HNF1B: variants seen among roughly 807,000 people sequenced by gnomAD.
The protein encoded by HNF1B is HNF1 homeobox B.
In HNF1B, 8 loss-of-function variants were observed where a neutral mutation model predicts 61.7. That is an observed-to-expected ratio of 0.13 (90% CI 0.08 to 0.23). The LOEUF (loss-of-function observed/expected upper bound fraction) is 0.23. Ranked by LOEUF, HNF1B falls within the 10% of genes least tolerant of loss-of-function variation. HNF1B has a pLI of 1.00. For missense variants in HNF1B, 562 were observed against 714.5 expected (o/e 0.79, Z 2.43); for synonymous variants, 314 against 287.7 (o/e 1.09, Z -0.93).
chr17:37,743,801 A>C (rs756896451), intron 1 of HNF1B, among the ~76,000 whole-genome samples: 1 of 152,154 alleles, frequency 6.6e-6, no homozygotes, highest in Non-Finnish European at 1.5e-5. Flanking sequence ...AGGTCTGGAA[A>C]CGCCCTCCTT....
At chr17:37,706,625 CAA>C (rs1226883209) in intron 5 of HNF1B, among the ~76,000 whole-genome samples, 2 of 141,492 alleles carry the variant, frequency 1.4e-5, no homozygotes, top group African/African-American at 5.3e-5. Flanking sequence ...CCACATCAAA[CAA>C]GAGAGAAGCA....
intron 2 of HNF1B, among the ~76,000 whole-genome samples, chr17:37,738,635 C>T (rs1474604909): frequency 6.6e-6 from 1 of 152,192 alleles, no homozygotes; most frequent in Admixed American, 6.5e-5. Context: ...GTATGTCATT[C>T]CTACTCTTGT....
At chr17:37,734,673 A>C (rs1187038957) in intron 2 of HNF1B, among the ~76,000 whole-genome samples, 2 of 152,158 alleles carry the variant, frequency 1.3e-5, no homozygotes, top group East Asian at 3.8e-4. Flanking sequence ...GCTCATCAGG[A>C]GTGATTAATT....
intron 5 of HNF1B, among the ~76,000 whole-genome samples, chr17:37,707,035 G>A (rs1205715908): frequency 6.6e-6 from 1 of 152,104 alleles, no homozygotes; most frequent in African/African-American, 2.4e-5. Context: ...AGTTTTGCTG[G>A]AGCTTAAATC....
chr17:37,744,296 G>C (rs940811486), intron 1 of HNF1B, among the ~76,000 whole-genome samples: 2 of 152,278 alleles, frequency 1.3e-5, no homozygotes, highest in East Asian at 3.8e-4. Flanking sequence ...CAGCCCCGCG[G>C]GGAAAAGCCC....
chr17:37,719,612 T>C (rs1331090418), intron 4 of HNF1B, among the ~76,000 whole-genome samples: 2 of 152,190 alleles, frequency 1.3e-5, no homozygotes, highest in South Asian at 4.1e-4. Flanking sequence ...CAGGCAGAGA[T>C]AATATGGCTG....
intron 6 of HNF1B, among the ~76,000 whole-genome samples, chr17:37,704,376 T>C (rs1472843809): frequency 2.6e-5 from 4 of 152,174 alleles, no homozygotes; most frequent in Admixed American, 2.6e-4. Context: ...CTCTGGATCC[T>C]CCCTTGGTGT....
intron 8 of HNF1B, among the ~76,000 whole-genome samples, chr17:37,689,198 G>T (rs190596444): frequency 6.7e-6 from 1 of 149,932 alleles, no homozygotes; most frequent in Admixed American, 6.6e-5. Flanking sequence ...GCGTGCATGT[G>T]AGGAGACAGG....
At chr17:37,720,617 C>T (rs1006420780) in intron 4 of HNF1B, 1 of 190,662 alleles carries the variant, frequency 5.2e-6, no homozygotes, top group African/African-American at 2.4e-5. Context: ...GGGGTTTCTG[C>T]ATATGCTTTG....
At chr17:37,737,461 A>G (rs1171432202) in intron 2 of HNF1B, among the ~76,000 whole-genome samples, 1 of 152,212 alleles carries the variant, frequency 6.6e-6, no homozygotes, top group Non-Finnish European at 1.5e-5. Context: ...TGTTTGGCAC[A>G]TAGTAGGTGC....
rs199623301 is a variant in HNF1B, at chr17:37,699,242, G to A, written c.1535-48C>T. 1.6e-4 allele frequency: 222 copies of A among 1,408,514 alleles called. 1 individual carries two copies. The Middle Eastern group carries it at 1.9e-3, about 12-fold the overall frequency. The allele number at this position is 1,408,514 out of a possible 1,614,324, so 87.3% of individuals were successfully genotyped here. ...GAATCAAGGTGCATACACAGGCAAA[G>A]ACACAGGTACAGAGCCCCCATCCCA... is the stretch of plus-strand genomic sequence containing the variant. On this transcript the variant is annotated intron_variant, in intron 7 of 8. Coordinates refer to ENST00000617811, the MANE Select transcript of HNF1B (RefSeq NM_000458.4).
chr17:37,744,160 G>A (rs907432771), intron 1 of HNF1B, among the ~76,000 whole-genome samples: 13 of 152,360 alleles, frequency 8.5e-5, no homozygotes, highest in African/African-American at 2.2e-4. Flanking sequence ...CCTGGGGCTT[G>A]CAGCGGCGCG....
In HNF1B at chr17:37,745,057, T is replaced by G. The variant is rs1187527810; in HGVS notation, c.-173A>C. ...CTCCTCCGAAAGGAGTCAGAAAACT[T>G]CTAACTTGCCATGATCGCCACCATT... On this transcript the variant is annotated 5_prime_UTR_variant, in exon 1 of 9. Transcript: ENST00000617811. 3.2e-6 allele frequency: 2 copies of G among 619,708 alleles called. No homozygotes were observed. The highest frequency in any genetic ancestry group is 2.9e-6 in the Non-Finnish European group (1 of 350,140). The allele number at this position is 619,708 out of a possible 1,614,324, so 38.4% of individuals were successfully genotyped here.
intron 8 of HNF1B, among the ~76,000 whole-genome samples, chr17:37,688,453 G>A (rs943258180): frequency 6.7e-6 from 1 of 150,190 alleles, no homozygotes; most frequent in Non-Finnish European, 1.5e-5. Flanking sequence ...AAAGGCCACT[G>A]TTATCGCATT....
intron 4 of HNF1B, among the ~76,000 whole-genome samples, chr17:37,715,191 C>T (rs1262279719): frequency 6.6e-6 from 1 of 152,090 alleles, no homozygotes; most frequent in African/African-American, 2.4e-5. Context: ...AGGAGTCAGT[C>T]ACCCTGCATG....
At chr17:37,697,886 G>A (rs962735478) in intron 8 of HNF1B, among the ~76,000 whole-genome samples, 6 of 152,070 alleles carry the variant, frequency 3.9e-5, no homozygotes, top group Non-Finnish European at 8.8e-5. Flanking sequence ...CTTAATCTAC[G>A]CAAGCTTGCT....
chr17:37,739,297 A>G, intron 2 of HNF1B, 143 bp downstream of exon 2: 1 of 789,570 alleles, frequency 1.3e-6, no homozygotes, highest in Non-Finnish European at 2.2e-6. Flanking sequence ...AGCAACCACC[A>G]AGGCCAAATC....
chr17:37,703,796 G>T (rs889229245), intron 6 of HNF1B, among the ~76,000 whole-genome samples: 5 of 152,172 alleles, frequency 3.3e-5, no homozygotes, highest in African/African-American at 1.2e-4. Context: ...ATAAATTTGT[G>T]TGCCTCCAAT....
rs2032016274 is a variant in HNF1B, at chr17:37,687,466, T to G, written c.1654-74A>C. Reference sequence around the variant, plus strand: ...TCATGGGCCATTAGTTTGGCTTCTCTAAGGGAGATGATGCCCAACTCAACC... The same window carrying G: ...TCATGGGCCATTAGTTTGGCTTCTCGAAGGGAGATGATGCCCAACTCAACC... On this transcript the variant is annotated intron_variant, in intron 8 of 8. Coordinates refer to ENST00000617811, the MANE Select transcript of HNF1B (RefSeq NM_000458.4). 5.1e-6 allele frequency: 6 copies of G among 1,165,636 alleles called. No homozygotes were observed. The South Asian group carries it at 7.3e-5, about 14-fold the overall frequency. 72.2% of individuals were successfully genotyped at this position (1,165,636 alleles called of 1,614,324 possible). A position where few individuals can be genotyped will look rare whatever the true frequency, so the allele number is the denominator to read the frequency against.
Sources: gnomAD v4.1 joint callset for allele counts (sites outside exome capture counted in the v4.1 genomes callset) on GRCh38, gnomAD v4.1.1 for gene constraint, MANE v1.5 for transcripts, NCBI Gene and HGNC (gene_info 2026-07-23, HGNC 2026-07-21) for gene names.